SNAP23: variants seen among roughly 807,000 people sequenced by gnomAD.
SNAP23 encodes the protein synaptosomal-associated protein 23.
SNAP23 carries 11 observed loss-of-function variants against 29.0 expected under a neutral mutation model. That is an observed-to-expected ratio of 0.38 (90% CI 0.24 to 0.63). SNAP23 has a LOEUF of 0.63. Ranked by LOEUF, SNAP23 falls within the 20% of genes least tolerant of loss-of-function variation. SNAP23 has a pLI of 0.58. For missense variants in SNAP23, 220 were observed against 253.9 expected (o/e 0.87, Z 0.91); for synonymous variants, 60 against 82.9 (o/e 0.72, Z 1.50).
intron 5 of SNAP23, among the ~76,000 whole-genome samples, chr15:42,519,128 C>G (rs2057422673): frequency 1.4e-5 from 2 of 147,670 alleles, no homozygotes; most frequent in Non-Finnish European, 3.0e-5. Context: ...AGTCTCAGTT[C>G]ACTGCAACCT....
chr15:42,509,066 T>A (rs2057338041), intron 1 of SNAP23, among the ~76,000 whole-genome samples: 1 of 152,084 alleles, frequency 6.6e-6, no homozygotes, highest in Admixed American at 6.6e-5. Flanking sequence ...TGGAAAAGCA[T>A]GAGGCTACCT....
At chr15:42,517,001 C>T (rs1034953473) in intron 5 of SNAP23, among the ~76,000 whole-genome samples, 3 of 152,060 alleles carry the variant, frequency 2.0e-5, no homozygotes, top group South Asian at 2.1e-4. Context: ...CTCACTGCAA[C>T]TTCCACCTCA....
At chr15:42,513,145 T>G (rs975659097) in intron 3 of SNAP23, 149 bp downstream of exon 3, 2 of 772,244 alleles carry the variant, frequency 2.6e-6, no homozygotes, top group Non-Finnish European at 4.5e-6. Context: ...CATGCACTAA[T>G]GGGAATTTTC....
intron 5 of SNAP23, 120 bp from the exon 6 acceptor site, chr15:42,528,142 G>C: frequency 1.6e-6 from 1 of 624,836 alleles, no homozygotes; most frequent in Non-Finnish European, 2.7e-6. Context: ...TCTAGACTTA[G>C]CTGTATGCAG....
chr15:42,513,485 G>A lies in SNAP23; in HGVS notation c.148+38G>A, dbSNP rs372575887. The A allele has an allele frequency of 2.6e-6, 4 of 1,548,482 alleles. No individual in the cohort carries two copies. In the African/African-American group the frequency reaches 4.1e-5, roughly 16 times the overall value. ...ATTAGCAGAAATTCTTAATTTGACT[G>A]TGATGCCAAAAAGCCCTATCAAATT... On this transcript the variant is annotated intron_variant, in intron 4 of 7. Coordinates refer to ENST00000249647, the MANE Select transcript of SNAP23 (RefSeq NM_003825.4).
At chr15:42,531,346 G>A in intron 7 of SNAP23, 67 bp from the exon 8 acceptor site, 1 of 1,083,920 alleles carries the variant, frequency 9.2e-7, no homozygotes, top group Non-Finnish European at 1.3e-6. Flanking sequence ...GTTACTCCAA[G>A]TGTAAAAAGT....
chr15:42,509,440 C>CT (rs34486893), intron 1 of SNAP23, among the ~76,000 whole-genome samples: 4,270 of 133,982 alleles, frequency 0.032, 191 homozygotes, highest in African/African-American at 0.1. Flanking sequence ...GGCTCAAAAT[C>CT]TTTTTTTTTT....
At chr15:42,522,342 G>A (rs1178398184) in intron 5 of SNAP23, among the ~76,000 whole-genome samples, 1 of 152,056 alleles carries the variant, frequency 6.6e-6, no homozygotes, top group East Asian at 1.9e-4. Flanking sequence ...TACATCATGT[G>A]TTAACTTGCT....
At chr15:42,517,188 G>A (rs1158251545) in intron 5 of SNAP23, among the ~76,000 whole-genome samples, 1 of 152,168 alleles carries the variant, frequency 6.6e-6, no homozygotes, top group Non-Finnish European at 1.5e-5. Context: ...CCAAAGTGCG[G>A]GGATTACATG....
intron 5 of SNAP23, chr15:42,528,029 A>G: frequency 2.3e-6 from 1 of 425,600 alleles, no homozygotes; most frequent in Non-Finnish European, 4.2e-6. Flanking sequence ...AAGATTTGGT[A>G]GAAGTAGTAT....
At chr15:42,516,225 C>A (rs1490518745) in intron 5 of SNAP23, among the ~76,000 whole-genome samples, 3 of 152,096 alleles carry the variant, frequency 2.0e-5, no homozygotes, top group African/African-American at 7.2e-5. Flanking sequence ...AATGCAGTGG[C>A]GTGATCACAG....
intron 1 of SNAP23, among the ~76,000 whole-genome samples, chr15:42,496,181 C>T (rs2057218031): frequency 2.0e-5 from 3 of 152,138 alleles, no homozygotes; most frequent in African/African-American, 7.2e-5. Context: ...GAATGAATTT[C>T]ACAATTCGGG....
chr15:42,512,925 G>A (rs1367074106), intron 2 of SNAP23, 30 bp from the exon 3 acceptor site: 1 of 1,567,772 alleles, frequency 6.4e-7, no homozygotes, highest in Non-Finnish European at 8.8e-7. Context: ...TACATATTTT[G>A]GAATGCTAAA....
chr15:42,516,441 C>T (rs903166838), intron 5 of SNAP23, among the ~76,000 whole-genome samples: 3 of 152,186 alleles, frequency 2.0e-5, no homozygotes, highest in African/African-American at 4.8e-5. Flanking sequence ...GTGATTTCTC[C>T]TGCCTCAGCC....
At chr15:42,499,717 T>C in intron 1 of SNAP23, among the ~76,000 whole-genome samples, 1 of 152,222 alleles carries the variant, frequency 6.6e-6, no homozygotes, top group Non-Finnish European at 1.5e-5. Context: ...TGGAAGATAC[T>C]GCTTTGGGCC....
At chr15:42,504,574 A>T (rs1311087145) in intron 1 of SNAP23, among the ~76,000 whole-genome samples, 1 of 152,180 alleles carries the variant, frequency 6.6e-6, no homozygotes, top group East Asian at 1.9e-4. Flanking sequence ...ACTTCAGTAA[A>T]AATATTAATA....
upstream of SNAP23, among the ~76,000 whole-genome samples, chr15:42,495,061 A>C (rs568163113): frequency 6.6e-6 from 1 of 152,172 alleles, no homozygotes; most frequent in Non-Finnish European, 1.5e-5. Context: ...GCCTCTAACA[A>C]GGATGAACTA....
chr15:42,509,685 G>T (rs933409180), intron 1 of SNAP23, among the ~76,000 whole-genome samples: 7 of 152,108 alleles, frequency 4.6e-5, no homozygotes, highest in Admixed American at 1.3e-4. Flanking sequence ...TGATCCATCC[G>T]CCTCGGCCTC....
At chr15:42,497,313 ATTC>A (rs2057229200) in intron 1 of SNAP23, among the ~76,000 whole-genome samples, 1 of 151,196 alleles carries the variant, frequency 6.6e-6, no homozygotes, top group African/African-American at 2.4e-5. Flanking sequence ...GGGTCAAGCA[ATTC>A]TTCTGCCTCA....
Sources: allele counts gnomAD v4.1 joint callset (sites outside exome capture counted in the v4.1 genomes callset), GRCh38; gene constraint gnomAD v4.1.1; transcripts MANE v1.5; gene names NCBI Gene and HGNC (gene_info 2026-07-23, HGNC 2026-07-21).